PKD1L1: variants seen among roughly 807,000 people sequenced by gnomAD.
PKD1L1 encodes the protein polycystin-1-like protein 1.
A neutral mutation model predicts 323.4 loss-of-function variants in PKD1L1; 236 were observed. That is an observed-to-expected ratio of 0.73 (90% confidence interval 0.66 to 0.81). The LOEUF (loss-of-function observed/expected upper bound fraction) is 0.81, where lower values mean the gene tolerates loss of function less well. PKD1L1 is among the 40% of genes least tolerant of loss of function. The pLI, the probability that PKD1L1 is intolerant of heterozygous loss-of-function variation, is 0.00. For missense variants in PKD1L1, 3,320 were observed against 3,508.0 expected (o/e 0.95, Z 1.35); for synonymous variants, 1,344 against 1,335.0 (o/e 1.01, Z -0.15).
intron 46 of PKD1L1, 135 bp from the exon 47 acceptor site, chr7:47,815,592 T>G (rs1015569082): frequency 9.7e-7 from 1 of 1,033,616 alleles, no homozygotes; most frequent in African/African-American, 1.6e-5. Flanking sequence ...AAACTCAAGC[T>G]GCTTGCAGCG....
chr7:47,891,938 A>C (rs1786828705), intron 15 of PKD1L1, among the ~76,000 whole-genome samples: 1 of 152,206 alleles, frequency 6.6e-6, no homozygotes, highest in Non-Finnish European at 1.5e-5. Context: ...GCCTCCTCTC[A>C]ACTCAAGAAA....
At chr7:47,833,401 G>C (rs745701625) in intron 40 of PKD1L1, 149 bp from the exon 41 acceptor site, 1 of 871,846 alleles carries the variant, frequency 1.1e-6, no homozygotes, top group Admixed American at 2.8e-5. Flanking sequence ...ACTTCTGAGG[G>C]AGGAAGCACA....
At chr7:47,821,542 T>G (rs955434175) in intron 45 of PKD1L1, among the ~76,000 whole-genome samples, 4 of 152,160 alleles carry the variant, frequency 2.6e-5, no homozygotes, top group Non-Finnish European at 4.4e-5. Flanking sequence ...GTGCTGGGAT[T>G]ACAAGCGTGA....
chr7:47,825,532 A>G (rs547895729), intron 45 of PKD1L1, among the ~76,000 whole-genome samples: 1 of 132,662 alleles, frequency 7.5e-6, no homozygotes, highest in Non-Finnish European at 1.6e-5. Flanking sequence ...ACTCTGTCTC[A>G]AAAAAAAAAA....
chr7:47,833,970 C>T (rs1050304197), intron 40 of PKD1L1, among the ~76,000 whole-genome samples: 2 of 152,236 alleles, frequency 1.3e-5, no homozygotes, highest in Non-Finnish European at 2.9e-5. Flanking sequence ...GCAATCACCC[C>T]GAGCCTTGCT....
At chr7:47,900,238 T>C (rs1787055867) in intron 13 of PKD1L1, among the ~76,000 whole-genome samples, 1 of 152,142 alleles carries the variant, frequency 6.6e-6, no homozygotes, top group South Asian at 2.1e-4. Flanking sequence ...CATTAAAAAA[T>C]ATGAAATGCC....
chr7:47,888,210 A>G, intron 16 of PKD1L1, 60 bp from the exon 17 acceptor site: 2 of 1,527,526 alleles, frequency 1.3e-6, no homozygotes, highest in Admixed American at 3.6e-5. Context: ...CTTTGGTCAC[A>G]TTAATTCATG....
rs534239926 is a variant in PKD1L1 at position 47,899,905 on chromosome 7, C to G, written c.2065-1711G>C. On this transcript the variant is annotated intron_variant, in intron 13 of 56. Coordinates refer to ENST00000289672, the MANE Select transcript of PKD1L1 (RefSeq NM_138295.5). ...CGGGAGGCGGAGCTTGCAGTGAGCC[C>G]AGATTGCACCACTGCACTCCCTCCT... Among the ~76,000 whole-genome samples the G allele has an allele frequency of 1.6e-3, 242 of 146,966 alleles. No homozygotes were observed. The Middle Eastern group carries it at 0.018, about 11-fold the overall frequency.
chr7:47,919,689 G>A (rs28830340), intron 7 of PKD1L1, among the ~76,000 whole-genome samples: 9,825 of 152,122 alleles, frequency 0.065, 1,043 homozygotes, highest in African/African-American at 0.22. Flanking sequence ...GGTTTCATAC[G>A]AGGGATGCAG....
Position 47,853,956 on chromosome 7 carries a change from T to C in PKD1L1, c.4860-729A>G, listed in dbSNP as rs184817908. The stretch of plus-strand genomic sequence containing the variant: ...CTCTTTACCGTAACCTGTTTGCAGA[T>C]AAAAGATAGCAAGCACAAAACTAGA... On this transcript the variant is annotated intron_variant, in intron 30 of 56. Transcript: ENST00000289672. 9.9e-5 allele frequency among the ~76,000 whole-genome samples: 15 copies of C among 152,276 alleles called. No individual in the cohort carries two copies. In the East Asian group the frequency reaches 2.7e-3, roughly 27 times the overall value.
intron 52 of PKD1L1, among the ~76,000 whole-genome samples, chr7:47,806,293 C>A (rs780530195): frequency 3.5e-4 from 53 of 152,354 alleles, no homozygotes; most frequent in African/African-American, 1.2e-3. Flanking sequence ...CAATCAGTGA[C>A]TAATCAGATG....
At chr7:47,935,502 T>A (rs903081206) in intron 4 of PKD1L1, among the ~76,000 whole-genome samples, 3 of 152,172 alleles carry the variant, frequency 2.0e-5, no homozygotes, top group African/African-American at 7.2e-5. Flanking sequence ...TCACAAACCA[T>A]CTGAAGGGTC....
chr7:47,865,432 A>ATT (rs1286613628), intron 25 of PKD1L1, among the ~76,000 whole-genome samples, 160 bp from the exon 26 acceptor site: 9 of 152,030 alleles, frequency 5.9e-5, no homozygotes, highest in Non-Finnish European at 1.3e-4. Context: ...TACAGAGACC[A>ATT]TTACTGTTGT....
chr7:47,912,447 T>C (rs1307502801), intron 8 of PKD1L1, among the ~76,000 whole-genome samples: 1 of 152,166 alleles, frequency 6.6e-6, no homozygotes, highest in Non-Finnish European at 1.5e-5. Flanking sequence ...AGGTACACCA[T>C]GTGCTGGAGA....
intron 23 of PKD1L1, among the ~76,000 whole-genome samples, chr7:47,875,284 T>C (rs1786379795): frequency 6.6e-6 from 1 of 152,188 alleles, no homozygotes; most frequent in African/African-American, 2.4e-5. Flanking sequence ...AGGCAAAGTT[T>C]CATGAAGAAG....
At chr7:47,875,320 A>T (rs1219244742) in intron 23 of PKD1L1, among the ~76,000 whole-genome samples, 4 of 152,222 alleles carry the variant, frequency 2.6e-5, no homozygotes, top group African/African-American at 9.7e-5. Context: ...GGCTTAAAGG[A>T]GAGGTGAAAC....
intron 4 of PKD1L1, 110 bp from the exon 5 acceptor site, chr7:47,932,166 T>C: frequency 6.8e-7 from 1 of 1,466,014 alleles, no homozygotes; most frequent in Non-Finnish European, 9.1e-7. Context: ...TGCTGGAAAT[T>C]CCCTTGCTGT....
intron 20 of PKD1L1, among the ~76,000 whole-genome samples, chr7:47,881,510 A>G (rs1227245534): frequency 2.0e-5 from 3 of 152,190 alleles, no homozygotes; most frequent in South Asian, 4.1e-4. Context: ...GAGCAAAAGC[A>G]CCATGTCTGG....
intron 2 of PKD1L1, among the ~76,000 whole-genome samples, chr7:47,941,066 C>T (rs1412681056): frequency 6.6e-6 from 1 of 152,214 alleles, no homozygotes; most frequent in Non-Finnish European, 1.5e-5. Context: ...CTGCACAGAG[C>T]CACTCTCAGC....
Sources: gnomAD v4.1 joint callset for allele counts (sites outside exome capture counted in the v4.1 genomes callset) on GRCh38, gnomAD v4.1.1 for gene constraint, MANE v1.5 for transcripts, NCBI Gene and HGNC (gene_info 2026-07-23, HGNC 2026-07-21) for gene names.